Variants in CDIPT observed in about 807,000 individuals in gnomAD.
CDIPT encodes PI synthase.
CDIPT carries 17 observed loss-of-function variants against 21.6 expected under a neutral mutation model. The observed-to-expected ratio is 0.79, with a 90% CI of 0.54 to 1.18. CDIPT has a LOEUF of 1.18. CDIPT is among the 50% of genes most tolerant of loss of function. CDIPT has a pLI of 0.00. For synonymous variants in CDIPT, 119 were observed against 117.9 expected, an observed-to-expected ratio of 1.01 and a Z score of -0.06; for missense variants, 254 against 284.9, an observed-to-expected ratio of 0.89 and a Z score of 0.78.
chr16:29,859,384 T>A lies in CDIPT; in HGVS notation c.497-50A>T. On this transcript the variant is annotated intron_variant, in intron 5 of 5. Transcript: ENST00000219789. This position sits in a 1 kb window ranked among gnomAD's most constrained non-coding sequence, Gnocchi z 4.5. ...TGGGGCCCGAAGGAGGGGGCCTCCA[T>A]CTCCCTGGGCAGGCCAGATCCCCCT... The A allele has an allele frequency of 6.3e-7, 1 of 1,588,516 alleles. No individual in the cohort carries two copies. The highest frequency in any genetic ancestry group is 1.7e-4 in the Middle Eastern group (1 of 6,020).
At position 29,862,613 on chromosome 16, in the gene CDIPT, C is replaced by T; in HGVS notation, c.151G>A (p.Gly51Arg). Reference sequence around the variant, plus strand: ...TGATTAAGAGCGCGAGCAGCGTGTCCATCGAAAGCGTCCAGCAGGCCGCTG... The same window carrying T: ...TGATTAAGAGCGCGAGCAGCGTGTCTATCGAAAGCGTCCAGCAGGCCGCTG... ...LLSGLLDAFD[G>R]HAARALNQGT... The change falls in exon 2 of 6, where the codon GGA becomes AGA. Residue 51 changes from glycine to arginine, a missense_variant. Physicochemically the swap from Gly to Arg is moderately radical, Grantham distance 125 (BLOSUM62 -2). Coordinates refer to ENST00000219789, the MANE Select transcript of CDIPT (RefSeq NM_006319.5). This position sits in a 1 kb window ranked among gnomAD's most constrained non-coding sequence, Gnocchi z 6.7. 1 of 1,595,604 alleles carries T rather than the reference C, an allele frequency of 6.3e-7. No individual in the cohort carries two copies. Among genetic ancestry groups the T allele is most frequent in the Non-Finnish European group, 8.5e-7 (1 of 1,171,098 alleles).
At chr16:29,860,780 G>A in intron 3 of CDIPT, 118 bp from the exon 4 acceptor site, 1 of 695,604 alleles carries the variant, frequency 1.4e-6, no homozygotes, top group Middle Eastern at 2.4e-4. Context: ...CCAGTATCCT[G>A]CCGAAAGCCA....
rs759504033 is a variant in CDIPT, at chr16:29,859,384, T to C, written c.497-50A>G. The C allele has an allele frequency of 1.9e-6, 3 of 1,588,516 alleles. No individual in the cohort carries two copies. Among genetic ancestry groups the C allele is most frequent in the East Asian group, 2.3e-5 (1 of 44,192 alleles). ...TGGGGCCCGAAGGAGGGGGCCTCCA[T>C]CTCCCTGGGCAGGCCAGATCCCCCT... On this transcript the variant is annotated intron_variant, in intron 5 of 5. Coordinates refer to ENST00000219789, the MANE Select transcript of CDIPT (RefSeq NM_006319.5). The surrounding 1 kb of genome is among the most constrained non-coding windows in gnomAD (Gnocchi z 4.5).
intron 2 of CDIPT, chr16:29,861,476 G>C: frequency 6.5e-7 from 1 of 1,536,398 alleles, no homozygotes; most frequent in South Asian, 1.2e-5. Flanking sequence ...AGGGAACAGG[G>C]TAGGAGGAGA....
At position 29,862,592 on chromosome 16, in the gene CDIPT, T is replaced by C; in HGVS notation, c.172A>G (p.Asn58Asp). 10 of 1,574,298 alleles carry C rather than the reference T, an allele frequency of 6.4e-6. No individual in the cohort carries two copies. The highest frequency in any genetic ancestry group is 8.6e-6 in the Non-Finnish European group (10 of 1,159,720). Residue 58 changes from asparagine (N) to aspartate (D), a missense_variant, in exon 2 of 6, where the codon AAT becomes GAT. Coordinates refer to ENST00000219789, the MANE Select transcript of CDIPT (RefSeq NM_006319.5). The surrounding 1 kb of genome is among the most constrained non-coding windows in gnomAD (Gnocchi z 6.7). Reference sequence around the variant, plus strand: ...TGAGAGGGGTGTCTGTCACCTTGATTAAGAGCGCGAGCAGCGTGTCCATCG... The same window carrying C: ...TGAGAGGGGTGTCTGTCACCTTGATCAAGAGCGCGAGCAGCGTGTCCATCG... ...AFDGHAARAL[N>D]QGTRFGAMLD...
chr16:29,858,864 C>T lies in CDIPT; in HGVS notation c.*325G>A. ...CTCCCGCCTTTCAGGAAACCTGGCC[C>T]TCACACCACCTCCCTCACTCAAGCG... is the stretch of plus-strand genomic sequence containing the variant. On this transcript the variant is annotated 3_prime_UTR_variant, in exon 6 of 6. Coordinates refer to ENST00000219789, the MANE Select transcript of CDIPT (RefSeq NM_006319.5). 6.7e-6 allele frequency: 2 copies of T among 297,362 alleles called. No homozygotes were observed. Among genetic ancestry groups the T allele is most frequent in the Non-Finnish European group, 1.3e-5 (2 of 157,068 alleles). 18.4% of individuals were successfully genotyped at this position (297,362 alleles called of 1,614,324 possible).
Position 29,862,694 on chromosome 16 carries a change from T to A in CDIPT, c.70A>T (p.Ile24Phe). Residue 24 changes from isoleucine (I) to phenylalanine (F), a missense_variant, in exon 2 of 6, where the codon ATT (isoleucine) becomes TTT (phenylalanine). Transcript: ENST00000219789. The surrounding 1 kb of genome is among the most constrained non-coding windows in gnomAD (Gnocchi z 6.7). ...IGYARIVFAI[I>F]SFYFMPCCPL... ...CAGCAGGGCATGAAGTAGAAAGAAA[T>A]GATGGCGAAGACAATCCGGGCATAA... 2 of 1,613,790 alleles carry A rather than the reference T, an allele frequency of 1.2e-6. No homozygotes were observed. The highest frequency in any genetic ancestry group is 1.1e-5 in the South Asian group (1 of 91,060).
At position 29,862,733 on chromosome 16, in the gene CDIPT, C is replaced by T; in HGVS notation, c.44-13G>A. 1.2e-6 allele frequency: 2 copies of T among 1,613,722 alleles called. No homozygotes were observed. Among genetic ancestry groups the T allele is most frequent in the Non-Finnish European group, 1.7e-6 (2 of 1,179,740 alleles). ...ATCCGGGCATAACCTTGGAACGGGACGCGGGGAGACAGGGCAGGATCAGGG... is the reference window on the plus strand; with the variant it reads ...ATCCGGGCATAACCTTGGAACGGGATGCGGGGAGACAGGGCAGGATCAGGG... On this transcript the variant is annotated splice_polypyrimidine_tract_variant and intron_variant, in intron 1 of 5. Transcript: ENST00000219789. This position sits in a 1 kb window ranked among gnomAD's most constrained non-coding sequence, Gnocchi z 6.7.
At chr16:29,861,377 G>T in intron 2 of CDIPT, 118 bp from the exon 3 acceptor site, 1 of 1,553,250 alleles carries the variant, frequency 6.4e-7, no homozygotes. Context: ...CCGCCTGCCT[G>T]GGGAGGAACG....
chr16:29,860,756 G>A (rs2067674141), intron 3 of CDIPT, 94 bp from the exon 4 acceptor site: 3 of 778,966 alleles, frequency 3.9e-6, no homozygotes, highest in Non-Finnish European at 6.7e-6. Context: ...TGGAAAACTG[G>A]GCACGGCTAA....
In CDIPT at chr16:29,862,746, G is replaced by A; in HGVS notation, c.44-26C>T. On this transcript the variant is annotated intron_variant, in intron 1 of 5. Transcript: ENST00000219789. This position sits in a 1 kb window ranked among gnomAD's most constrained non-coding sequence, Gnocchi z 6.7. ...CTTGGAACGGGACGCGGGGAGACAG[G>A]GCAGGATCAGGGAGCCCGCCAAGGC... 6.2e-7 allele frequency: 1 copy of A among 1,613,830 alleles called. No individual in the cohort carries two copies. Among genetic ancestry groups the A allele is most frequent in the Non-Finnish European group, 8.5e-7 (1 of 1,179,818 alleles).
At position 29,859,418 on chromosome 16, in the gene CDIPT, C is replaced by T. The variant is rs78291542; in HGVS notation, c.496+24G>A. 811 of 1,607,602 alleles carry T rather than the reference C, an allele frequency of 5.0e-4. 4 individuals are homozygous for T. In the African/African-American group the frequency reaches 9.7e-3, roughly 19 times the overall value. ...GCAGGCCAGATCCCCCTCCCATCCT[C>T]CTGCCCAGCCCCTCATCTCCTACCT... On this transcript the variant is annotated intron_variant, in intron 5 of 5. Coordinates refer to ENST00000219789, the MANE Select transcript of CDIPT (RefSeq NM_006319.5). The surrounding 1 kb of genome is among the most constrained non-coding windows in gnomAD (Gnocchi z 4.5).
chr16:29,861,313 GC>G (rs750234124), intron 2 of CDIPT, 54 bp from the exon 3 acceptor site: 6 of 1,606,946 alleles, frequency 3.7e-6, no homozygotes, highest in Non-Finnish European at 5.1e-6. Context: ...CAGGACAGGT[GC>G]CCATATTTGG....
chr16:29,862,289 G>A lies in CDIPT; in HGVS notation c.178+297C>T, dbSNP rs2067689596. ...ATTTAAAAATTAGCCGGGTGTGGTG[G>A]CACGCTCCTGTAGTCCCAGCTAGTC... On this transcript the variant is annotated intron_variant, in intron 2 of 5. Transcript: ENST00000219789. The surrounding 1 kb of genome is among the most constrained non-coding windows in gnomAD (Gnocchi z 6.7). Among the ~76,000 whole-genome samples the A allele has an allele frequency of 6.6e-6, 1 of 152,178 alleles. No individual in the cohort carries two copies. The highest frequency in any genetic ancestry group is 1.5e-5 in the Non-Finnish European group (1 of 68,036).
chr16:29,860,726 G>T, intron 3 of CDIPT, 64 bp from the exon 4 acceptor site: 1 of 913,906 alleles, frequency 1.1e-6, no homozygotes, highest in Non-Finnish European at 1.8e-6. Flanking sequence ...CAATCCTCAT[G>T]TTAACACCTA....
In CDIPT at chr16:29,859,191, ACTT is replaced by A. The variant is rs753424031; in HGVS notation, c.637_639del (p.Lys213del). 1.5e-5 allele frequency: 24 copies of A among 1,594,546 alleles called. No homozygotes were observed. Among genetic ancestry groups the A allele is most frequent in the South Asian group, 3.4e-5 (3 of 87,812 alleles). ...AGCCAGGACCCGGGGCTCCAGCGTC[ACTT>A]CTTCTTGGCGCGGTCTGCTGCGTCC... On this transcript the variant is annotated inframe_deletion, in exon 6 of 6. Transcript: ENST00000219789. The surrounding 1 kb of genome is among the most constrained non-coding windows in gnomAD (Gnocchi z 4.5).
In CDIPT at chr16:29,863,213, G is replaced by A. The variant is rs979703388; in HGVS notation, c.-356C>T. 5.8e-6 allele frequency: 2 copies of A among 345,434 alleles called. No individual in the cohort carries two copies. Among genetic ancestry groups the A allele is most frequent in the Non-Finnish European group, 1.1e-5 (2 of 187,244 alleles). The allele number at this position is 345,434 out of a possible 1,614,324, so 21.4% of individuals were successfully genotyped here. The stretch of plus-strand genomic sequence containing the variant: ...GCCCGTCGTTGCAAAATTGGAGAGA[G>A]GAAAAAGTGGCTTAAAAAAATAGTT... On this transcript the variant is annotated 5_prime_UTR_variant, in exon 1 of 6. Transcript: ENST00000219789.
At position 29,860,578 on chromosome 16, in the gene CDIPT, T is replaced by C. The variant is rs565309751; in HGVS notation, c.414+3A>G. The C allele has an allele frequency of 3.1e-4, 494 of 1,594,732 alleles. 4 individuals are homozygous for C. In the South Asian group the frequency reaches 5.3e-3, roughly 17 times the overall value. ...AGGGGTGGGGTGTGCAGGAAATGCT[T>C]ACCCTCGAGGTGTAGTAGATCCGAA... is the stretch of plus-strand genomic sequence containing the variant. On this transcript the variant is annotated splice_donor_region_variant and intron_variant, in intron 4 of 5. Transcript: ENST00000219789.
At chr16:29,860,103 G>C (rs2067667693) in intron 4 of CDIPT, among the ~76,000 whole-genome samples, 1 of 152,152 alleles carries the variant, frequency 6.6e-6, no homozygotes, top group South Asian at 2.1e-4. Flanking sequence ...ACTGTGCCTG[G>C]CTAAGCTAAT....
Sources: allele counts gnomAD v4.1 joint callset (sites outside exome capture counted in the v4.1 genomes callset), GRCh38; gene constraint gnomAD v4.1.1; non-coding constraint Gnocchi (gnomAD v3.1); transcripts MANE v1.5; gene names NCBI Gene and HGNC (gene_info 2026-07-23, HGNC 2026-07-21).